Variants in PEG3 observed in about 807,000 individuals in gnomAD.
The protein encoded by PEG3 is paternally expressed 3.
Under a neutral mutation model 35.5 loss-of-function variants are expected in PEG3, and 23 were observed. The observed-to-expected ratio is 0.65, with a 90% CI of 0.47 to 0.92. The LOEUF is 0.92. PEG3 is among the 40% of genes least tolerant of loss of function. The pLI is 0.00. For synonymous variants in PEG3, 707 were observed against 697.0 expected (o/e 1.01, Z -0.23); for missense variants, 1,960 against 1,985.3 (o/e 0.99, Z 0.24).
At position 56,818,753 on chromosome 19, in the gene PEG3, C is replaced by T. The variant is rs147561866; in HGVS notation, c.670-51G>A. On this transcript the variant is annotated intron_variant, in intron 7 of 9. Coordinates refer to ENST00000326441, the MANE Select transcript of PEG3 (RefSeq NM_006210.3). ...AATGGAGTCTGTCCCCACCGATGTT[C>T]AAAGACAGAATAATGTTGGCAACAT... is the stretch of plus-strand genomic sequence containing the variant. 1.8e-4 allele frequency: 289 copies of T among 1,590,930 alleles called. No homozygotes were observed. The East Asian group carries it at 6.0e-3, about 33-fold the overall frequency.
At position 56,814,332 on chromosome 19, in the gene PEG3, T is replaced by TGCTGCTGCTGCAGCTGCTGCTGCTGCA; in HGVS notation, c.4109_4110insTGCAGCAGCAGCAGCTGCAGCAGCAGC (p.Ala1363_Ala1371dup). 1 of 1,612,502 alleles carries TGCTGCTGCTGCAGCTGCTGCTGCTGCA rather than the reference T, an allele frequency of 6.2e-7. No individual in the cohort carries two copies. The highest frequency in any genetic ancestry group is 1.1e-5 in the South Asian group (1 of 91,018). ...GGACATTGGCTTCAACTTCCTGGGC[T>TGCTGCTGCTGCAGCTGCTGCTGCTGCA]GCTGCTGCTGCAGCTGCTGCTGCTT... On this transcript the variant is annotated inframe_insertion, in exon 10 of 10. Coordinates refer to ENST00000326441, the MANE Select transcript of PEG3 (RefSeq NM_006210.3). The surrounding 1 kb of genome is among the most constrained non-coding windows in gnomAD (Gnocchi z 5.8).
At chr19:56,824,092 A>G (rs1440176156) in intron 4 of PEG3, among the ~76,000 whole-genome samples, 170 bp downstream of exon 4, 3 of 152,110 alleles carry the variant, frequency 2.0e-5, no homozygotes, top group Non-Finnish European at 4.4e-5. Context: ...TGGTGGCCAC[A>G]CCCAGAAAAT....
intron 2 of PEG3, among the ~76,000 whole-genome samples, chr19:56,827,165 A>G (rs2061120394): frequency 6.6e-6 from 1 of 152,224 alleles, no homozygotes. Context: ...GAGCACAGAA[A>G]AGAGATGGAG....
rs568262074 is a variant in PEG3, at chr19:56,814,235, C to G, written c.4207G>C (p.Glu1403Gln). The G allele has an allele frequency of 2.5e-6, 4 of 1,612,858 alleles. No homozygotes were observed. The Admixed American group carries it at 6.7e-5, about 27-fold the overall frequency. The change falls in exon 10 of 10, where the codon GAG (glutamate) becomes CAG (glutamine). Residue 1403 changes from glutamate to glutamine, a missense_variant. Glu to Gln is a conservative substitution (Grantham distance 29, BLOSUM62 2). This residue lies in a region of PEG3 where 416 missense variants were observed against 416.7 expected (regional missense o/e 1.00). Coordinates refer to ENST00000326441, the MANE Select transcript of PEG3 (RefSeq NM_006210.3). The surrounding 1 kb of genome is among the most constrained non-coding windows in gnomAD (Gnocchi z 5.8). ...EAAEPEVEAA[E>Q]PEVEAAEPEV... ...GGCTCAGCAGCCTCCACTTCTGGCT[C>G]GGCAGCCTCCACTTCTGGCTCAGCA... is the stretch of plus-strand genomic sequence containing the variant.
chr19:56,838,816 C>T (rs904905341), intron 1 of PEG3, among the ~76,000 whole-genome samples: 14 of 152,222 alleles, frequency 9.2e-5, no homozygotes, highest in Non-Finnish European at 1.8e-4. Flanking sequence ...TTTCCATCAC[C>T]GCAAGGCAGG....
intron 1 of PEG3, among the ~76,000 whole-genome samples, chr19:56,839,892 G>A (rs1292490420): frequency 6.6e-6 from 1 of 152,034 alleles, no homozygotes; most frequent in East Asian, 1.9e-4. Context: ...CCCATCTGCC[G>A]CCAACCAACC....
At chr19:56,821,145 C>T (rs1167800230) in intron 7 of PEG3, among the ~76,000 whole-genome samples, 2 of 152,330 alleles carry the variant, frequency 1.3e-5, no homozygotes, top group Admixed American at 1.3e-4. Flanking sequence ...TTCACAGCAG[C>T]CCTGGGAGCA....
intron 3 of PEG3, 82 bp from the exon 4 acceptor site, chr19:56,824,823 A>G: frequency 1.6e-6 from 1 of 634,676 alleles, no homozygotes; most frequent in Non-Finnish European, 2.7e-6. Context: ...AGAGGCATCG[A>G]CAATGCTTTT....
At position 56,811,935 on chromosome 19, in the gene PEG3, C is replaced by G. The variant is rs2059566968; in HGVS notation, c.*1740G>C. 3.0e-6 allele frequency: 3 copies of G among 985,352 alleles called. No homozygotes were observed. The highest frequency in any genetic ancestry group is 3.6e-6 in the Non-Finnish European group (3 of 829,878). The allele number at this position is 985,352 out of a possible 1,614,324, so 61.0% of individuals were successfully genotyped here. On this transcript the variant is annotated 3_prime_UTR_variant, in exon 10 of 10. Coordinates refer to ENST00000326441, the MANE Select transcript of PEG3 (RefSeq NM_006210.3). ...TTAGGACTCCCTTCTTTGACTCACT[C>G]ATTTCTGCTTCTTGCTCTCAGCTCT...
chr19:56,816,329 T>G lies in PEG3; in HGVS notation c.2113A>C (p.Lys705Gln), dbSNP rs763379983. Residue 705 changes from lysine to glutamine, a missense_variant, in exon 10 of 10, where the codon AAA becomes CAA. By Grantham distance (53) the Lys-to-Gln change is moderately conservative. This residue lies in a region of PEG3 where 798 missense variants were observed against 782.4 expected (regional missense o/e 1.02). Coordinates refer to ENST00000326441, the MANE Select transcript of PEG3 (RefSeq NM_006210.3). ...AAGAGGTTCTTTCGAGAATGAATTT[T>G]CTGATGCTCACTGAGCTCTGAGCTT... is the stretch of plus-strand genomic sequence containing the variant. ...MQSSELSEHQ[K>Q]IHSRKNLFEG... 2.5e-6 allele frequency: 4 copies of G among 1,614,188 alleles called. No homozygotes were observed. The highest frequency in any genetic ancestry group is 3.4e-6 in the Non-Finnish European group (4 of 1,180,008).
chr19:56,818,460 T>A, intron 8 of PEG3, 140 bp downstream of exon 8: 1 of 922,354 alleles, frequency 1.1e-6, no homozygotes, highest in Non-Finnish European at 1.6e-6. Context: ...CTCCCTCATT[T>A]GAAATCTTTC....
chr19:56,815,139 G>T lies in PEG3; in HGVS notation c.3303C>A (p.Asp1101Glu). The T allele has an allele frequency of 6.2e-7, 1 of 1,613,936 alleles. No homozygotes were observed. The highest frequency in any genetic ancestry group is 1.1e-5 in the South Asian group (1 of 91,078). The change falls in exon 10 of 10, where the codon GAC becomes GAA. Residue 1101 changes from aspartate to glutamate, a missense_variant. Asp to Glu is a conservative substitution (Grantham distance 45). Around this residue, in one of 5 missense-constraint regions of PEG3, gnomAD observed 798 missense variants for 782.4 expected, o/e 1.02. Transcript: ENST00000326441. Reference sequence around the variant, plus strand: ...CACATTCATAGATTTTGTCATCAGGGTCATCCTTCTGAGGGTCTTCCATGT... The same window carrying T: ...CACATTCATAGATTTTGTCATCAGGTTCATCCTTCTGAGGGTCTTCCATGT... ...GSDMEDPQKDDPDDKIYECED... is the reference protein window; with the variant it reads ...GSDMEDPQKDEPDDKIYECED...
In PEG3 at chr19:56,812,729, C is replaced by A. The variant is rs2059620079; in HGVS notation, c.*946G>T. ...TACTGTGATCTAGTGATGGTTGTAA[C>A]CCATTCTTTAAAGGCAAAGATGTAA... is the stretch of plus-strand genomic sequence containing the variant. On this transcript the variant is annotated 3_prime_UTR_variant, in exon 10 of 10. Coordinates refer to ENST00000326441, the MANE Select transcript of PEG3 (RefSeq NM_006210.3). The A allele has an allele frequency of 7.1e-6, 7 of 984,850 alleles. No individual in the cohort carries two copies. In the South Asian group the frequency reaches 3.3e-4, roughly 46 times the overall value. The allele number at this position is 984,850 out of a possible 1,614,324, so 61.0% of individuals were successfully genotyped here.
rs766472521 is a variant in PEG3, at chr19:56,814,372, T to C, written c.4070A>G (p.Glu1357Gly). The C allele has an allele frequency of 6.2e-7, 1 of 1,613,898 alleles. No homozygotes were observed. Among genetic ancestry groups the C allele is most frequent in the East Asian group, 2.2e-5 (1 of 44,882 alleles). ...TGCTGCTGCTTCATCTTCTTCTTCT[T>C]CTTCCAGATGAAGCTCCTTATGTTT... ...LTKHKELHLE[E>G]EEEDEAAAAA... The change falls in exon 10 of 10, where the codon GAA becomes GGA. Residue 1357 changes from glutamate to glycine, a missense_variant. By Grantham distance (98) the Glu-to-Gly change is moderately conservative. Around this residue, in one of 5 missense-constraint regions of PEG3, gnomAD observed 416 missense variants for 416.7 expected, o/e 1.00. Transcript: ENST00000326441. This position sits in a 1 kb window ranked among gnomAD's most constrained non-coding sequence, Gnocchi z 5.8.
chr19:56,817,833 G>T lies in PEG3; in HGVS notation c.775C>A (p.Gln259Lys), dbSNP rs1296145645. 3.1e-6 allele frequency: 5 copies of T among 1,613,400 alleles called. No individual in the cohort carries two copies. Among genetic ancestry groups the T allele is most frequent in the Non-Finnish European group, 4.2e-6 (5 of 1,179,644 alleles). The change falls in exon 9 of 10, where the codon CAG becomes AAG. Residue 259 changes from glutamine (Q) to lysine (K), a missense_variant and splice_region_variant. Gln to Lys is a moderately conservative substitution (Grantham distance 53). Coordinates refer to ENST00000326441, the MANE Select transcript of PEG3 (RefSeq NM_006210.3). ...GAGTGGCCATCGTCTTCAGCAAGCT[G>T]CACTCCTGGTCACAAGGACAATATG... ...ENYRKLLSLV[Q>K]LAEDDGHSHM...
chr19:56,823,547 G>A (rs748251306), intron 5 of PEG3, 46 bp downstream of exon 5: 18 of 1,612,140 alleles, frequency 1.1e-5, no homozygotes, highest in Non-Finnish European at 1.5e-5. Flanking sequence ...GGAAGCATCT[G>A]GCAGCGCCTG....
Position 56,816,094 on chromosome 19 carries a change from G to A in PEG3, c.2348C>T (p.Ala783Val), listed in dbSNP as rs111818906. The change falls in exon 10 of 10, where the codon GCC becomes GTC. Residue 783 changes from alanine (A) to valine (V), a missense_variant. By Grantham distance (64) the Ala-to-Val change is moderately conservative (BLOSUM62 0). Coordinates refer to ENST00000326441, the MANE Select transcript of PEG3 (RefSeq NM_006210.3). ...SYERSVIHSL[A>V]SVEAQKSHSV... ...GTGACTTTTCTGAGCTTCCACAGAG[G>A]CTAAGCTATGAATAACAGACCTCTC... is the stretch of plus-strand genomic sequence containing the variant. 6 of 1,609,200 alleles carry A rather than the reference G, an allele frequency of 3.7e-6. No homozygotes were observed. Among genetic ancestry groups the A allele is most frequent in the African/African-American group, 2.7e-5 (2 of 74,834 alleles).
At chr19:56,823,863 G>T (rs1157505669) in intron 4 of PEG3, among the ~76,000 whole-genome samples, 184 bp from the exon 5 acceptor site, 1 of 152,066 alleles carries the variant, frequency 6.6e-6, no homozygotes, top group Non-Finnish European at 1.5e-5. Context: ...AAAACTGGGT[G>T]GGGGGAGCAT....
At position 56,825,034 on chromosome 19, in the gene PEG3, A is replaced by C. The variant is rs78105516; in HGVS notation, c.-86-293T>G. 1.0e-3 allele frequency: 190 copies of C among 185,646 alleles called. 1 individual carries two copies. In the East Asian group the frequency reaches 0.023, roughly 22 times the overall value. The allele number at this position is 185,646 out of a possible 1,614,324, so 11.5% of individuals were successfully genotyped here. A position where few individuals can be genotyped will look rare whatever the true frequency, so the allele number is the denominator to read the frequency against. On this transcript the variant is annotated intron_variant, in intron 3 of 9. Coordinates refer to ENST00000326441, the MANE Select transcript of PEG3 (RefSeq NM_006210.3). Reference sequence around the variant, plus strand: ...CTCTGTAATCTGAGAAATAAGAATAACAGCACCTCCATCCCTTTCAGAATT... The same window carrying C: ...CTCTGTAATCTGAGAAATAAGAATACCAGCACCTCCATCCCTTTCAGAATT...
Sources: allele counts gnomAD v4.1 joint callset (sites outside exome capture counted in the v4.1 genomes callset), GRCh38; gene constraint gnomAD v4.1.1; regional missense constraint gnomAD v4.1.1; non-coding constraint Gnocchi (gnomAD v3.1); transcripts MANE v1.5; gene names NCBI Gene and HGNC (gene_info 2026-07-23, HGNC 2026-07-21).